The following NPL variants were observed in gnomAD, a reference collection of about 807,000 sequenced individuals.
The protein encoded by NPL is N-acetylneuraminate lyase.
In NPL, 32 loss-of-function variants were observed where a neutral mutation model predicts 41.1. The ratio of observed to expected loss-of-function variants is 0.78; its 90% CI spans 0.59 to 1.05. The LOEUF is 1.05. Among genes scored for constraint, NPL ranks in the 50% least tolerant of loss-of-function variants. NPL has a pLI of 0.00. For synonymous variants in NPL, 128 were observed against 134.9 expected (o/e 0.95, Z 0.35); for missense variants, 321 against 378.4 (o/e 0.85, Z 1.26).
At chr1:182,801,100 A>G (rs1666834900) in intron 3 of NPL, among the ~76,000 whole-genome samples, 1 of 152,174 alleles carries the variant, frequency 6.6e-6, no homozygotes, top group Admixed American at 6.5e-5. Flanking sequence ...CAATATCGTC[A>G]AAGTCAAACA....
At chr1:182,818,755 G>A (rs1450255577) in intron 9 of NPL, 58 bp from the exon 10 acceptor site, 2 of 1,613,574 alleles carry the variant, frequency 1.2e-6, no homozygotes, top group South Asian at 1.1e-5. Flanking sequence ...TAGCTATATA[G>A]TAGCATCTCT....
chr1:182,801,980 C>T (rs1015204557), intron 3 of NPL, among the ~76,000 whole-genome samples: 24 of 152,234 alleles, frequency 1.6e-4, no homozygotes, highest in African/African-American at 5.1e-4. Flanking sequence ...CAGTCATAAC[C>T]TTCATTATAT....
intron 1 of NPL, among the ~76,000 whole-genome samples, chr1:182,791,081 G>A (rs1017616146): frequency 6.6e-6 from 1 of 152,170 alleles, no homozygotes; most frequent in Non-Finnish European, 1.5e-5. Context: ...TCTAGGAGAG[G>A]AGCCAAAACC....
intron 10 of NPL, among the ~76,000 whole-genome samples, chr1:182,819,899 A>G (rs1667442413): frequency 6.6e-6 from 1 of 152,248 alleles, no homozygotes; most frequent in African/African-American, 2.4e-5. Context: ...GGGAAATCAC[A>G]TAGAACCTAA....
chr1:182,808,616 G>A (rs6704320), intron 5 of NPL, among the ~76,000 whole-genome samples: 22,835 of 152,086 alleles, frequency 0.15, 2,529 homozygotes, highest in African/African-American at 0.31. Flanking sequence ...TTTCTGTGCT[G>A]AAAGGACACT....
In NPL at chr1:182,818,585, A is replaced by G. The variant is rs1431801468; in HGVS notation, c.502A>G (p.Thr168Ala). Residue 168 changes from threonine to alanine, a missense_variant, in exon 9 of 13, where the codon ACC becomes GCC. Transcript: ENST00000367553. ...LLDGILDKIP[T>A]FQGLKFSDTD... is the part of the protein sequence containing the mutation. ...GGATGGGATTCTGGATAAGATCCCC[A>G]CCTTCCAAGGGCTGAAATTCAGTGA... 4 of 1,614,080 alleles carry G rather than the reference A, an allele frequency of 2.5e-6. No individual in the cohort carries two copies. Among genetic ancestry groups the G allele is most frequent in the African/African-American group, 1.3e-5 (1 of 74,932 alleles).
At chr1:182,812,987 T>C (rs1667218938) in intron 6 of NPL, among the ~76,000 whole-genome samples, 2 of 151,968 alleles carry the variant, frequency 1.3e-5, no homozygotes, top group Admixed American at 1.3e-4. Context: ...ACCTTGTCTC[T>C]ACTAAAAATA....
At chr1:182,800,415 G>A (rs1666805217) in intron 3 of NPL, among the ~76,000 whole-genome samples, 1 of 125,762 alleles carries the variant, frequency 8.0e-6, no homozygotes. Flanking sequence ...CAGCCTGGGT[G>A]ACAGAGCAAG....
intron 3 of NPL, among the ~76,000 whole-genome samples, chr1:182,797,501 A>G (rs1178656873): frequency 2.6e-5 from 4 of 152,330 alleles, no homozygotes; most frequent in South Asian, 2.1e-4. Flanking sequence ...AAGTCCTCAC[A>G]GTTTACCTTT....
chr1:182,813,863 C>A (rs904990365), intron 6 of NPL, among the ~76,000 whole-genome samples: 1 of 152,168 alleles, frequency 6.6e-6, no homozygotes, highest in African/African-American at 2.4e-5. Flanking sequence ...GAGTAGTAAG[C>A]AAATGATTTA....
chr1:182,823,174 C>CAAG (rs1667536814), intron 11 of NPL, among the ~76,000 whole-genome samples: 1 of 152,062 alleles, frequency 6.6e-6, no homozygotes, highest in South Asian at 2.1e-4. Flanking sequence ...AGGAGTATCC[C>CAAG]AAGAAAATAA....
intron 3 of NPL, among the ~76,000 whole-genome samples, 197 bp downstream of exon 3, chr1:182,794,636 G>C (rs555094936): frequency 1.3e-5 from 2 of 152,242 alleles, no homozygotes; most frequent in Non-Finnish European, 2.9e-5. Context: ...CCCAAAGTCA[G>C]AGAAGCACTA....
chr1:182,829,064 GT>G lies in NPL; in HGVS notation c.*157del. On this transcript the variant is annotated 3_prime_UTR_variant, in exon 13 of 13. Coordinates refer to ENST00000367553, the MANE Select transcript of NPL (RefSeq NM_030769.3). ...AGGTACCTTTTGTGAGCCTTAAAAA[GT>G]CTTATTTTGTGAAGGGGCAAAAACT... is the stretch of plus-strand genomic sequence containing the variant. 2 of 1,455,090 alleles carry G rather than the reference GT, an allele frequency of 1.4e-6. No homozygotes were observed. The highest frequency in any genetic ancestry group is 1.8e-6 in the Non-Finnish European group (2 of 1,111,276). 90.1% of individuals were successfully genotyped at this position (1,455,090 alleles called of 1,614,324 possible).
At position 182,796,501 on chromosome 1, in the gene NPL, T is replaced by C. The variant is rs909361369; in HGVS notation, c.68+2062T>C. Among the ~76,000 whole-genome samples, 39 of 152,222 alleles carry C rather than the reference T, an allele frequency of 2.6e-4. 1 individual carries two copies. Among genetic ancestry groups the C allele is most frequent in the Admixed American group, 2.0e-3 (31 of 15,284 alleles). ...GTTCTCCTAACCTGGCATGTACATA[T>C]ACATATCCTCCATAATTCTGAGTGG... On this transcript the variant is annotated intron_variant, in intron 3 of 12. Coordinates refer to ENST00000367553, the MANE Select transcript of NPL (RefSeq NM_030769.3).
intron 3 of NPL, among the ~76,000 whole-genome samples, chr1:182,800,649 G>T (rs1666817018): frequency 1.3e-5 from 2 of 151,694 alleles, no homozygotes; most frequent in Non-Finnish European, 2.9e-5. Flanking sequence ...TGAGGGACCT[G>T]GGGGCATCCA....
chr1:182,806,089 G>C (rs1227586833), intron 4 of NPL, 56 bp from the exon 5 acceptor site: 38 of 1,609,340 alleles, frequency 2.4e-5, no homozygotes, highest in Non-Finnish European at 3.1e-5. Context: ...TCAGACTCGG[G>C]GTTGGAGAAG....
At chr1:182,821,727 C>T (rs988299533) in intron 10 of NPL, among the ~76,000 whole-genome samples, 7 of 152,118 alleles carry the variant, frequency 4.6e-5, no homozygotes, top group Non-Finnish European at 1.0e-4. Context: ...GTGCTCCATC[C>T]ACCCAGTTTT....
At chr1:182,807,408 A>G (rs1314164451) in intron 5 of NPL, among the ~76,000 whole-genome samples, 1 of 152,170 alleles carries the variant, frequency 6.6e-6, no homozygotes, top group Non-Finnish European at 1.5e-5. Context: ...GGGAATCCTT[A>G]ATGGCTTCAG....
chr1:182,808,422 A>G (rs1232434997), intron 5 of NPL, among the ~76,000 whole-genome samples: 1 of 152,202 alleles, frequency 6.6e-6, no homozygotes, highest in African/African-American at 2.4e-5. Flanking sequence ...ATTGTAGAGA[A>G]GCCAGACTGC....
Sources: allele counts gnomAD v4.1 joint callset (sites outside exome capture counted in the v4.1 genomes callset), GRCh38; gene constraint gnomAD v4.1.1; transcripts MANE v1.5; gene names NCBI Gene and HGNC (gene_info 2026-07-23, HGNC 2026-07-21).